CYP4F11: variants seen among roughly 807,000 people sequenced by gnomAD.
CYP4F11 encodes the protein cytochrome P450 4F11.
In CYP4F11, 79 loss-of-function variants were observed where a neutral mutation model predicts 62.2. That is an observed-to-expected ratio of 1.27 (90% confidence interval 1.06 to 1.53). CYP4F11 has a LOEUF of 1.53. Ranked by LOEUF, CYP4F11 falls within the 40% of genes most tolerant of loss-of-function variation. The pLI is 0.00. For missense variants in CYP4F11, 777 were observed against 680.5 expected (o/e 1.14, Z -1.58); for synonymous variants, 290 against 263.7 (o/e 1.10, Z -0.97).
At position 15,929,621 on chromosome 19, in the gene CYP4F11, C is replaced by G. The variant is rs147011867; in HGVS notation, c.199-20G>C. 6.4e-7 allele frequency: 1 copy of G among 1,568,682 alleles called. No homozygotes were observed. Among genetic ancestry groups the G allele is most frequent in the Non-Finnish European group, 8.6e-7 (1 of 1,156,616 alleles). On this transcript the variant is annotated intron_variant, in intron 1 of 11. Coordinates refer to ENST00000402119, the MANE Select transcript of CYP4F11 (RefSeq NM_021187.4). ...AGTGACCTGAAAACAAGGCAGAGGC[C>G]GTCAGCCCTTGTGATGGTTAATTCT...
At chr19:15,928,308 G>A (rs2089685472) in intron 2 of CYP4F11, among the ~76,000 whole-genome samples, 1 of 152,188 alleles carries the variant, frequency 6.6e-6, no homozygotes, top group African/African-American at 2.4e-5. Flanking sequence ...CCAGGTGGAA[G>A]CATATACCAG....
chr19:15,916,292 T>C (rs1416708475), intron 8 of CYP4F11, among the ~76,000 whole-genome samples: 1 of 152,118 alleles, frequency 6.6e-6, no homozygotes, highest in Non-Finnish European at 1.5e-5. Context: ...CTAAACTTTT[T>C]TGGGAAGAAA....
chr19:15,918,933 T>TAA (rs34830276), intron 8 of CYP4F11, among the ~76,000 whole-genome samples: 3 of 127,904 alleles, frequency 2.3e-5, no homozygotes, highest in African/African-American at 3.0e-5. Context: ...TATGCCATGC[T>TAA]AAAAAAAAAA....
rs778924921 is a variant in CYP4F11 at position 15,924,880 on chromosome 19, G to T, written c.528C>A (p.Asp176Glu). ...CCTCTGAGGCCAGGCGCTGCCACTT[G>T]TCCTGGCCAGAGAAAAAACAGAGCC... ...IFNKSVNIMH[D>E]KWQRLASEGS... Residue 176 changes from aspartate (D) to glutamate (E), a missense_variant and splice_region_variant, in exon 5 of 12, where the codon GAC becomes GAA. Transcript: ENST00000402119. The T allele has an allele frequency of 1.2e-6, 2 of 1,608,674 alleles. No homozygotes were observed. Among genetic ancestry groups the T allele is most frequent in the Admixed American group, 3.4e-5 (2 of 59,168 alleles).
rs1432047262 is a variant in CYP4F11, at chr19:15,914,304, C to T, written c.1397+1G>A. On this transcript the variant is annotated splice_donor_variant, in intron 11 of 11. Coordinates refer to ENST00000402119, the MANE Select transcript of CYP4F11 (RefSeq NM_021187.4). LOFTEE classifies it high-confidence loss of function. The stretch of plus-strand genomic sequence containing the variant: ...CTGCCTCAGACACAGGCCATCCTTA[C>T]CTGGGCCCTGCCGAGAAGGGAATAA... 6.2e-7 allele frequency: 1 copy of T among 1,613,890 alleles called. No individual in the cohort carries two copies.
chr19:15,914,340 T>C lies in CYP4F11; in HGVS notation c.1362A>G (p.Ser454=), dbSNP rs1301046294. The C allele has an allele frequency of 6.2e-7, 1 of 1,613,892 alleles. No individual in the cohort carries two copies. Among genetic ancestry groups the C allele is most frequent in the Non-Finnish European group, 8.5e-7 (1 of 1,179,984 alleles). The change falls in exon 11 of 12, where the codon TCA becomes TCG. Residue 454 remains serine, a synonymous_variant. Transcript: ENST00000402119. The part of the protein sequence containing the change: ...RFDQENIKER[S]PLAFIPFSAG... ...CCGAGAAGGGAATAAAAGCCAGAGG[T>C]GACCTCTCCTTGATGTTCTCTTGGT...
chr19:15,924,736 T>A (rs2089655734), intron 5 of CYP4F11, 25 bp downstream of exon 5: 1 of 1,603,206 alleles, frequency 6.2e-7, no homozygotes, highest in Non-Finnish European at 8.5e-7. Flanking sequence ...AGGCCCAAGT[T>A]CTCAGGTCCT....
intron 8 of CYP4F11, among the ~76,000 whole-genome samples, chr19:15,919,471 T>A (rs367759358): frequency 7.3e-6 from 1 of 136,588 alleles, no homozygotes; most frequent in South Asian, 2.3e-4. Context: ...TGGACAGATG[T>A]ATAGATAGAT....
chr19:15,934,137 C>T (rs1460534438), intron 1 of CYP4F11, 74 bp downstream of exon 1: 4 of 1,532,764 alleles, frequency 2.6e-6, no homozygotes, highest in African/African-American at 1.5e-5. Context: ...AACCCAGCTC[C>T]CTGAGCCCCA....
intron 6 of CYP4F11, among the ~76,000 whole-genome samples, chr19:15,923,515 G>A (rs1216991367): frequency 6.6e-6 from 1 of 152,028 alleles, no homozygotes; most frequent in Non-Finnish European, 1.5e-5. Flanking sequence ...TGTGATCCAG[G>A]GATTTGGTGC....
At position 15,934,274 on chromosome 19, in the gene CYP4F11, G is replaced by C; in HGVS notation, c.135C>G (p.Cys45Trp). The stretch of plus-strand genomic sequence containing the variant: ...GTTGAGGAAAACACTGGAGGCGGCG[G>C]CAGTTGTCATAGAAGGTGTAGGTCC... ...LAWTYTFYDN[C>W]RRLQCFPQPP... is the part of the protein sequence containing the mutation. Residue 45 changes from cysteine (C) to tryptophan (W), a missense_variant, in exon 1 of 12, where the codon TGC (cysteine) becomes TGG (tryptophan). By Grantham distance (215) the Cys-to-Trp change is radical. Coordinates refer to ENST00000402119, the MANE Select transcript of CYP4F11 (RefSeq NM_021187.4). 2 of 1,613,846 alleles carry C rather than the reference G, an allele frequency of 1.2e-6. No individual in the cohort carries two copies. The highest frequency in any genetic ancestry group is 1.7e-6 in the Non-Finnish European group (2 of 1,179,828).
chr19:15,914,534 A>G (rs539986420), intron 10 of CYP4F11, 68 bp downstream of exon 10: 1 of 1,599,016 alleles, frequency 6.3e-7, no homozygotes, highest in Admixed American at 1.7e-5. Flanking sequence ...TTCCTGGTCA[A>G]AACCCTGTCA....
In CYP4F11 at chr19:15,929,446, T is replaced by C; in HGVS notation, c.343+11A>G. 1 of 1,614,080 alleles carries C rather than the reference T, an allele frequency of 6.2e-7. No homozygotes were observed. Among genetic ancestry groups the C allele is most frequent in the Non-Finnish European group, 8.5e-7 (1 of 1,180,012 alleles). On this transcript the variant is annotated intron_variant, in intron 2 of 11. Coordinates refer to ENST00000402119, the MANE Select transcript of CYP4F11 (RefSeq NM_021187.4). ...TCCCAGCCCCCACTACCACAAGCTC[T>C]GCACGGGTACCTGAGGCACTGGTGA...
In CYP4F11 at chr19:15,912,733, G is replaced by GTA. The variant is rs1346656816; in HGVS notation, c.*997_*998dup. ...TGTGTGTGTGTGTGTGTGTGTGTGTGTATATGTATATATGTGTGTGTGTGT... is the reference window on the plus strand; with the variant it reads ...TGTGTGTGTGTGTGTGTGTGTGTGTGTATATATGTATATATGTGTGTGTGTGT... On this transcript the variant is annotated 3_prime_UTR_variant, in exon 12 of 12. Coordinates refer to ENST00000402119, the MANE Select transcript of CYP4F11 (RefSeq NM_021187.4). The GTA allele has an allele frequency of 1.5e-4, 8 of 52,212 alleles. No homozygotes were observed. Among genetic ancestry groups the GTA allele is most frequent in the Admixed American group, 4.5e-4 (2 of 4,398 alleles). The allele number at this position is 52,212 out of a possible 1,614,324, so 3.2% of individuals were successfully genotyped here.
intron 4 of CYP4F11, among the ~76,000 whole-genome samples, chr19:15,926,327 A>G (rs979580590): frequency 6.6e-6 from 1 of 152,220 alleles, no homozygotes; most frequent in Non-Finnish European, 1.5e-5. Context: ...CTATGCCGTG[A>G]GTAATAAATT....
At chr19:15,926,560 G>C (rs1018844749) in intron 4 of CYP4F11, among the ~76,000 whole-genome samples, 5 of 152,194 alleles carry the variant, frequency 3.3e-5, no homozygotes, top group African/African-American at 9.7e-5. Flanking sequence ...ACCTAAGCCT[G>C]GTTGAACTTT....
At chr19:15,916,521 A>G (rs993220040) in intron 8 of CYP4F11, among the ~76,000 whole-genome samples, 20 of 152,216 alleles carry the variant, frequency 1.3e-4, no homozygotes, top group African/African-American at 4.6e-4. Flanking sequence ...TTTGCAAATT[A>G]TGCATCTGAC....
chr19:15,934,471 C>T lies in CYP4F11; in HGVS notation c.-63G>A, dbSNP rs1455532078. 2.5e-6 allele frequency: 4 copies of T among 1,579,450 alleles called. No homozygotes were observed. The highest frequency in any genetic ancestry group is 3.4e-6 in the Non-Finnish European group (4 of 1,166,920). ...GCCCAGGGAAGGGCCCAGGAAGCTC[C>T]AAGGACAGTGGAAAGGGGCAAGGAT... is the stretch of plus-strand genomic sequence containing the variant. On this transcript the variant is annotated 5_prime_UTR_variant, in exon 1 of 12. Transcript: ENST00000402119.
rs2089555341 is a variant in CYP4F11, at chr19:15,913,675, G to A, written c.*57C>T. 4 of 1,601,492 alleles carry A rather than the reference G, an allele frequency of 2.5e-6. No homozygotes were observed. Among genetic ancestry groups the A allele is most frequent in the African/African-American group, 2.7e-5 (2 of 74,840 alleles). On this transcript the variant is annotated 3_prime_UTR_variant, in exon 12 of 12. Coordinates refer to ENST00000402119, the MANE Select transcript of CYP4F11 (RefSeq NM_021187.4). ...GGCTGTCAACGAGGCTCAAGCAGAG[G>A]TGTCAGCATAGTTTTGTTTCTGGGA...
Sources: allele counts gnomAD v4.1 joint callset (sites outside exome capture counted in the v4.1 genomes callset), GRCh38; gene constraint gnomAD v4.1.1; transcripts MANE v1.5; gene names NCBI Gene and HGNC (gene_info 2026-07-23, HGNC 2026-07-21).